Variants in XIRP1 observed in about 807,000 individuals in gnomAD.
XIRP1 encodes the protein xin actin binding repeat containing 1.
For missense variants in XIRP1, 2,378 were observed against 2,345.4 expected (o/e 1.01, Z -0.29); for synonymous variants, 984 against 947.0 (o/e 1.04, Z -0.72).
chr3:39,189,099 T>C lies in XIRP1; in HGVS notation c.347A>G (p.Glu116Gly). The change falls in exon 2 of 2, where the codon GAG (glutamate) becomes GGG (glycine). Residue 116 changes from glutamate to glycine, a missense_variant. Glu to Gly is a moderately conservative substitution (Grantham distance 98). Coordinates refer to ENST00000340369, the MANE Select transcript of XIRP1 (RefSeq NM_194293.4). ...CTGGACGTCACCACACAGCACGGGC[T>C]CCTTGGCAGCTGGCCTCTCGTGTTC... Reference protein sequence around the residue: ...IGEHERPAAKEPVLCGDVQAT... With the variant: ...IGEHERPAAKGPVLCGDVQAT... 1 of 1,614,180 alleles carries C rather than the reference T, an allele frequency of 6.2e-7. No individual in the cohort carries two copies. The highest frequency in any genetic ancestry group is 8.5e-7 in the Non-Finnish European group (1 of 1,180,038).
chr3:39,187,451 G>T lies in XIRP1; in HGVS notation c.1995C>A (p.Thr665=). 6.2e-7 allele frequency: 1 copy of T among 1,614,080 alleles called. No individual in the cohort carries two copies. Among genetic ancestry groups the T allele is most frequent in the South Asian group, 1.1e-5 (1 of 91,078 alleles). The change falls in exon 2 of 2, where the codon ACC becomes ACA. Residue 665 remains threonine, a synonymous_variant. Transcript: ENST00000340369. The part of the protein sequence containing the change: ...ERQTDRHVFE[T]EPLQASGRPC... ...GACGGCCTGAGGCCTGAAGAGGCTC[G>T]GTCTCAAAGACGTGTCTGTCTGTCT...
chr3:39,188,654 G>A lies in XIRP1; in HGVS notation c.792C>T (p.Asn264=), dbSNP rs775040797. Reference sequence around the variant, plus strand: ...AGAGCCAGCGGGCAGACCTCACCGCGTTGCTTTGGATCTCCTCCCGGCATG... The same window carrying A: ...AGAGCCAGCGGGCAGACCTCACCGCATTGCTTTGGATCTCCTCCCGGCATG... ...KAACREEIQS[N]AVRSARWLFE... Residue 264 remains asparagine, a synonymous_variant, in exon 2 of 2, where the codon AAC becomes AAT. Transcript: ENST00000340369. 27 of 1,612,906 alleles carry A rather than the reference G, an allele frequency of 1.7e-5. No homozygotes were observed. The highest frequency in any genetic ancestry group is 2.1e-5 in the Non-Finnish European group (25 of 1,179,974).
chr3:39,186,159 G>A lies in XIRP1; in HGVS notation c.3287C>T (p.Ala1096Val). ...SNPIQDGLRK[A>V]GATQSNIRPG... ...CCTTATGTTGCTTTGGGTAGCCCCAGCTTTCCGAAGACCGTCCTGGATGGG... is the reference window on the plus strand; with the variant it reads ...CCTTATGTTGCTTTGGGTAGCCCCAACTTTCCGAAGACCGTCCTGGATGGG... The change falls in exon 2 of 2, where the codon GCT becomes GTT. Residue 1096 changes from alanine to valine, a missense_variant. Physicochemically the swap from Ala to Val is moderately conservative, Grantham distance 64. Transcript: ENST00000340369. 1.2e-6 allele frequency: 2 copies of A among 1,613,768 alleles called. No homozygotes were observed. Among genetic ancestry groups the A allele is most frequent in the Non-Finnish European group, 8.5e-7 (1 of 1,179,828 alleles).
Position 39,188,152 on chromosome 3 carries a change from C to G in XIRP1, c.1294G>C (p.Asp432His), listed in dbSNP as rs1219593461. The G allele has an allele frequency of 6.2e-7, 1 of 1,614,092 alleles. No individual in the cohort carries two copies. Among genetic ancestry groups the G allele is most frequent in the African/African-American group, 1.3e-5 (1 of 74,932 alleles). ...LPFSQSAPQR[D>H]ELKGDVKTFK... ...GTCTTCACATCCCCCTTTAGCTCATCCCTCTGGGGGGCACTCTGAGAGAAG... is the reference window on the plus strand; with the variant it reads ...GTCTTCACATCCCCCTTTAGCTCATGCCTCTGGGGGGCACTCTGAGAGAAG... Residue 432 changes from aspartate to histidine, a missense_variant, in exon 2 of 2, where the codon GAT becomes CAT. Coordinates refer to ENST00000340369, the MANE Select transcript of XIRP1 (RefSeq NM_194293.4).
chr3:39,188,075 C>T lies in XIRP1; in HGVS notation c.1371G>A (p.Glu457=). 6.2e-7 allele frequency: 1 copy of T among 1,614,214 alleles called. No homozygotes were observed. ...TGCTTGGACTCCCATGGGCCAGAAC[C>T]TCACCCTGTCCAATGCTGTCCAAGG... ...TLPLDSIGQG[E]VLAHGSPSRE... Residue 457 remains glutamate, a synonymous_variant, in exon 2 of 2, where the codon GAG becomes GAA. Coordinates refer to ENST00000340369, the MANE Select transcript of XIRP1 (RefSeq NM_194293.4).
intron 1 of XIRP1, among the ~76,000 whole-genome samples, chr3:39,190,411 G>C (rs924916485): frequency 3.9e-5 from 6 of 152,082 alleles, no homozygotes; most frequent in Non-Finnish European, 8.8e-5. Flanking sequence ...ATTGGCCATA[G>C]AACCCGTCTA....
chr3:39,187,237 T>C lies in XIRP1; in HGVS notation c.2209A>G (p.Met737Val), dbSNP rs777891068. ...KFTWLFENCP[M>V]GSLAAESIQG... ...ATGCTCTCAGCTGCCAGGGAGCCCA[T>C]GGGACAATTCTCAAAAAGCCAAGTG... Residue 737 changes from methionine to valine, a missense_variant, in exon 2 of 2, where the codon ATG (methionine) becomes GTG (valine). Met to Val is a conservative substitution (Grantham distance 21). Transcript: ENST00000340369. The C allele has an allele frequency of 6.3e-7, 1 of 1,586,978 alleles. No individual in the cohort carries two copies. The highest frequency in any genetic ancestry group is 1.3e-5 in the African/African-American group (1 of 74,112).
In XIRP1 at chr3:39,183,869, T is replaced by A; in HGVS notation, c.*45A>T. 6.3e-7 allele frequency: 1 copy of A among 1,581,662 alleles called. No homozygotes were observed. Among genetic ancestry groups the A allele is most frequent in the Non-Finnish European group, 8.6e-7 (1 of 1,166,794 alleles). ...GGTACCCACTTCAGTCCTGGGGCAG[T>A]GGAGGCCAGGAACAGGTGGCAGGTG... is the stretch of plus-strand genomic sequence containing the variant. On this transcript the variant is annotated 3_prime_UTR_variant, in exon 2 of 2. Coordinates refer to ENST00000340369, the MANE Select transcript of XIRP1 (RefSeq NM_194293.4).
In XIRP1 at chr3:39,185,194, T is replaced by C. The variant is rs769811992; in HGVS notation, c.4252A>G (p.Ser1418Gly). The C allele has an allele frequency of 6.2e-7, 1 of 1,613,302 alleles. No homozygotes were observed. Among genetic ancestry groups the C allele is most frequent in the South Asian group, 1.1e-5 (1 of 91,050 alleles). Reference protein sequence around the residue: ...PRPTKNQATGSNAQSSEPPKL... With the variant: ...PRPTKNQATGGNAQSSEPPKL... ...GGGGGCTCAGAGCTCTGGGCATTGC[T>C]GCCTGTAGCCTGATTCTTGGTGGGC... Residue 1418 changes from serine to glycine, a missense_variant, in exon 2 of 2, where the codon AGC (serine) becomes GGC (glycine). Physicochemically the swap from Ser to Gly is moderately conservative, Grantham distance 56. Transcript: ENST00000340369.
At position 39,189,509 on chromosome 3, in the gene XIRP1, A is replaced by G. The variant is rs1376991032; in HGVS notation, c.-64T>C. 1.3e-6 allele frequency: 2 copies of G among 1,524,142 alleles called. No individual in the cohort carries two copies. The highest frequency in any genetic ancestry group is 4.3e-5 in the Admixed American group (2 of 46,220). 94.4% of individuals were successfully genotyped at this position (1,524,142 alleles called of 1,614,324 possible). ...GGAGCCTTAGATCTAGATGTTCAGCAGGGTAGAGGCTGGATGCTGGGAGAA... is the reference window on the plus strand; with the variant it reads ...GGAGCCTTAGATCTAGATGTTCAGCGGGGTAGAGGCTGGATGCTGGGAGAA... On this transcript the variant is annotated 5_prime_UTR_variant, in exon 2 of 2. Coordinates refer to ENST00000340369, the MANE Select transcript of XIRP1 (RefSeq NM_194293.4).
intron 1 of XIRP1, among the ~76,000 whole-genome samples, chr3:39,191,511 G>T (rs1321530155): frequency 6.6e-6 from 1 of 152,204 alleles, no homozygotes; most frequent in Non-Finnish European, 1.5e-5. Flanking sequence ...CCAAAGAGGG[G>T]AAAGGAGCTG....
intron 1 of XIRP1, 51 bp from the exon 2 acceptor site, chr3:39,189,576 A>G (rs1410266307): frequency 7.2e-7 from 1 of 1,391,176 alleles, no homozygotes; most frequent in Non-Finnish European, 9.7e-7. Flanking sequence ...GCTCTGGGTG[A>G]CTTACGCTTA....
chr3:39,185,212 T>C lies in XIRP1; in HGVS notation c.4234A>G (p.Lys1412Glu). Residue 1412 changes from lysine (K) to glutamate (E), a missense_variant, in exon 2 of 2, where the codon AAG becomes GAG. Physicochemically the swap from Lys to Glu is moderately conservative, Grantham distance 56. Transcript: ENST00000340369. ...GLSTTAPRPT[K>E]NQATGSNAQS... ...GCATTGCTGCCTGTAGCCTGATTCT[T>C]GGTGGGCCTGGGGGCCGTGGTGCTG... The C allele has an allele frequency of 6.2e-7, 1 of 1,613,182 alleles. No individual in the cohort carries two copies. Among genetic ancestry groups the C allele is most frequent in the Non-Finnish European group, 8.5e-7 (1 of 1,179,574 alleles).
chr3:39,188,834 G>A lies in XIRP1; in HGVS notation c.612C>T (p.Gly204=). Residue 204 remains glycine (G), a synonymous_variant, in exon 2 of 2, where the codon GGC becomes GGT. Transcript: ENST00000340369. ...LFETRPLDRL[G]SRPSLQEQSP... Reference sequence around the variant, plus strand: ...TCTGCTCCTGCAGGGAGGGGCGGGAGCCCAGGCGGTCCAGCGGCCGCGTCT... The same window carrying A: ...TCTGCTCCTGCAGGGAGGGGCGGGAACCCAGGCGGTCCAGCGGCCGCGTCT... 1.9e-6 allele frequency: 3 copies of A among 1,612,782 alleles called. No individual in the cohort carries two copies. Among genetic ancestry groups the A allele is most frequent in the Non-Finnish European group, 2.5e-6 (3 of 1,180,048 alleles).
chr3:39,190,244 T>C (rs764414144), intron 1 of XIRP1, among the ~76,000 whole-genome samples: 3 of 152,072 alleles, frequency 2.0e-5, no homozygotes, highest in African/African-American at 4.8e-5. Flanking sequence ...ATCTCAAAGG[T>C]CTTTTAGCAC....
At position 39,185,169 on chromosome 3, in the gene XIRP1, G is replaced by A. The variant is rs1007472742; in HGVS notation, c.4277C>T (p.Pro1426Leu). The change falls in exon 2 of 2, where the codon CCC (proline) becomes CTC (leucine). Residue 1426 changes from proline to leucine, a missense_variant. By Grantham distance (98) the Pro-to-Leu change is moderately conservative (BLOSUM62 -3). Coordinates refer to ENST00000340369, the MANE Select transcript of XIRP1 (RefSeq NM_194293.4). ...TGSNAQSSEP[P>L]KLNALNHDPT... ...ATCATGGTTGAGGGCATTGAGCTTG[G>A]GGGGCTCAGAGCTCTGGGCATTGCT... 1 of 1,609,318 alleles carries A rather than the reference G, an allele frequency of 6.2e-7. No individual in the cohort carries two copies. Among genetic ancestry groups the A allele is most frequent in the East Asian group, 2.2e-5 (1 of 44,842 alleles).
chr3:39,186,007 G>T lies in XIRP1; in HGVS notation c.3439C>A (p.Pro1147Thr). ...TIQDGIYTAH[P>T]VRTFDPPGGV... is the part of the protein sequence containing the mutation. The stretch of plus-strand genomic sequence containing the variant: ...CCAGGTGGGTCAAAGGTCCTCACGG[G>T]ATGAGCGGTGTAGATGCCATCCTGA... The change falls in exon 2 of 2, where the codon CCC (proline) becomes ACC (threonine). Residue 1147 changes from proline to threonine, a missense_variant. Coordinates refer to ENST00000340369, the MANE Select transcript of XIRP1 (RefSeq NM_194293.4). The T allele has an allele frequency of 6.2e-7, 1 of 1,614,146 alleles. No individual in the cohort carries two copies. Among genetic ancestry groups the T allele is most frequent in the Non-Finnish European group, 8.5e-7 (1 of 1,180,004 alleles).
chr3:39,192,483 G>C lies in XIRP1; in HGVS notation c.-118C>G, dbSNP rs1043238650. 6.6e-6 allele frequency: 1 copy of C among 152,426 alleles called. No homozygotes were observed. Among genetic ancestry groups the C allele is most frequent in the Admixed American group, 6.5e-5 (1 of 15,288 alleles). 9.4% of individuals were successfully genotyped at this position (152,426 alleles called of 1,614,324 possible). A position where few individuals can be genotyped will look rare whatever the true frequency, so the allele number is the denominator to read the frequency against. On this transcript the variant is annotated 5_prime_UTR_variant, in exon 1 of 2. Transcript: ENST00000340369. ...TTGGCTGATGGGGTGTTTGTGGTCT[G>C]TAGCAGCTGTGGTCTCAGGGTTCGT...
In XIRP1 at chr3:39,187,641, G is replaced by A. The variant is rs1168411619; in HGVS notation, c.1805C>T (p.Pro602Leu). ...QTIRWLFETCPMSELAEKQGS... is the reference protein window; with the variant it reads ...QTIRWLFETCLMSELAEKQGS... Reference sequence around the variant, plus strand: ...CTGCTTTTCGGCCAACTCACTCATTGGGCAAGTCTCGAACAACCACCGGAT... The same window carrying A: ...CTGCTTTTCGGCCAACTCACTCATTAGGCAAGTCTCGAACAACCACCGGAT... Residue 602 changes from proline (P) to leucine (L), a missense_variant, in exon 2 of 2, where the codon CCA (proline) becomes CTA (leucine). Physicochemically the swap from Pro to Leu is moderately conservative, Grantham distance 98. Transcript: ENST00000340369. 5 of 1,614,040 alleles carry A rather than the reference G, an allele frequency of 3.1e-6. No homozygotes were observed. The highest frequency in any genetic ancestry group is 4.2e-6 in the Non-Finnish European group (5 of 1,180,040).
Sources: allele counts gnomAD v4.1 joint callset (sites outside exome capture counted in the v4.1 genomes callset), GRCh38; gene constraint gnomAD v4.1.1; transcripts MANE v1.5; gene names NCBI Gene and HGNC (gene_info 2026-07-23, HGNC 2026-07-21).